The following COG1 variants were observed in gnomAD, a reference collection of about 807,000 sequenced individuals.
COG1 encodes conserved oligomeric Golgi complex subunit 1.
COG1 carries 61 observed loss-of-function variants against 102.2 expected under a neutral mutation model. The ratio of observed to expected loss-of-function variants is 0.60; its 90% confidence interval spans 0.49 to 0.74. COG1 has a LOEUF of 0.74. Ranked by LOEUF, COG1 falls within the 30% of genes least tolerant of loss-of-function variation. COG1 has a pLI of 0.00. For synonymous variants in COG1, 454 were observed against 493.6 expected, an observed-to-expected ratio of 0.92 and a Z score of 1.06; for missense variants, 1,164 against 1,232.1, an observed-to-expected ratio of 0.94 and a Z score of 0.83.
rs2061353783 is a variant in COG1 at position 73,203,110 on chromosome 17, C to A, written c.2184C>A (p.Gly728=). The change falls in exon 8 of 14, where the codon GGC becomes GGA. Residue 728 remains glycine (G), a synonymous_variant. Coordinates refer to ENST00000299886, the MANE Select transcript of COG1 (RefSeq NM_018714.3). ...ELEIQEEAES[G]SSVTSKIRLP... is the part of the protein sequence containing the mutation. ...AAATTCAGGAGGAGGCAGAGTCTGG[C>A]AGCAGTGTCACATCCAAGATCCGAC... 8.7e-6 allele frequency: 14 copies of A among 1,614,194 alleles called. No homozygotes were observed. The highest frequency in any genetic ancestry group is 1.2e-5 in the Non-Finnish European group (14 of 1,180,038).
intron 10 of COG1, chr17:73,205,930 G>A: frequency 1.5e-6 from 1 of 670,350 alleles, no homozygotes; most frequent in Non-Finnish European, 2.6e-6. Context: ...AGTATCATTT[G>A]AGCCCTTAGT....
chr17:73,195,298 G>A lies in COG1; in HGVS notation c.316-1209G>A, dbSNP rs150313938. 2.7e-3 allele frequency among the ~76,000 whole-genome samples: 410 copies of A among 152,250 alleles called. 3 individuals are homozygous for A. Among genetic ancestry groups the A allele is most frequent in the African/African-American group, 9.5e-3 (394 of 41,544 alleles). ...ACCTGGTCGAGGAAATAAATCCATGGAAACTTGACGAGAAAAAAATGTAAA... is the reference window on the plus strand; with the variant it reads ...ACCTGGTCGAGGAAATAAATCCATGAAAACTTGACGAGAAAAAAATGTAAA... On this transcript the variant is annotated intron_variant, in intron 1 of 13. Coordinates refer to ENST00000299886, the MANE Select transcript of COG1 (RefSeq NM_018714.3).
intron 4 of COG1, among the ~76,000 whole-genome samples, chr17:73,197,735 G>A (rs550200742): frequency 6.6e-6 from 1 of 152,348 alleles, no homozygotes; most frequent in Admixed American, 6.5e-5. Context: ...GAGTCACTTA[G>A]ATGAAGAAGG....
chr17:73,197,409 C>G lies in COG1; in HGVS notation c.913+13C>G. The G allele has an allele frequency of 6.2e-7, 1 of 1,613,562 alleles. No individual in the cohort carries two copies. Among genetic ancestry groups the G allele is most frequent in the Non-Finnish European group, 8.5e-7 (1 of 1,179,980 alleles). On this transcript the variant is annotated intron_variant, in intron 4 of 13. Transcript: ENST00000299886. The stretch of plus-strand genomic sequence containing the variant: ...CAGCATCCTGCCGGTGAGCTCTTAG[C>G]CAAGCTTTTTAAATTCTGGTTCACT...
At position 73,206,157 on chromosome 17, in the gene COG1, T is replaced by C. The variant is rs917892922; in HGVS notation, c.2514T>C (p.Ile838=). Residue 838 remains isoleucine, a synonymous_variant, in exon 11 of 14, where the codon ATT becomes ATC. Coordinates refer to ENST00000299886, the MANE Select transcript of COG1 (RefSeq NM_018714.3). ...ATGATCCTAATCCTTTTCTCAGAAT[T>C]GAGAAAGTGACTGACCACCTGGAAG... ...KSGRSKPDSR[I]EKVTDHLEAL... 1.2e-5 allele frequency: 19 copies of C among 1,612,350 alleles called. No individual in the cohort carries two copies. The highest frequency in any genetic ancestry group is 1.6e-5 in the Non-Finnish European group (19 of 1,178,466).
intron 13 of COG1, chr17:73,208,085 T>C: frequency 2.1e-6 from 3 of 1,425,816 alleles, no homozygotes; most frequent in South Asian, 2.9e-5. Context: ...TGTCTACCCT[T>C]TTCCCAAGAC....
At chr17:73,204,424 G>C (rs1311243793) in intron 9 of COG1, among the ~76,000 whole-genome samples, 3 of 152,178 alleles carry the variant, frequency 2.0e-5, no homozygotes, top group African/African-American at 7.2e-5. Flanking sequence ...AGAGAGAACA[G>C]TTGCCTGCCA....
At chr17:73,200,933 T>C (rs951472174) in intron 6 of COG1, among the ~76,000 whole-genome samples, 157 bp downstream of exon 6, 2 of 152,148 alleles carry the variant, frequency 1.3e-5, no homozygotes, top group Non-Finnish European at 2.9e-5. Flanking sequence ...CCTCTGTCAC[T>C]TGATCGGGAA....
Position 73,196,913 on chromosome 17 carries a change from C to T in COG1, c.574C>T (p.His192Tyr), listed in dbSNP as rs753679095. 1.2e-6 allele frequency: 2 copies of T among 1,614,224 alleles called. No homozygotes were observed. The highest frequency in any genetic ancestry group is 8.5e-7 in the Non-Finnish European group (1 of 1,180,038). The change falls in exon 3 of 14, where the codon CAT (histidine) becomes TAT (tyrosine). Residue 192 changes from histidine (H) to tyrosine (Y), a missense_variant. Physicochemically the swap from His to Tyr is moderately conservative, Grantham distance 83 (BLOSUM62 2). Transcript: ENST00000299886. The part of the protein sequence containing the change: ...AASHFRSTIL[H>Y]ESKMLLKCQG... ...TCATTTTTCTAGGTCAACTATTCTG[C>T]ATGAAAGCAAGATGTTGCTCAAATG... is the stretch of plus-strand genomic sequence containing the variant.
intron 5 of COG1, 29 bp from the exon 6 acceptor site, chr17:73,200,537 G>A: frequency 6.3e-7 from 1 of 1,587,888 alleles, no homozygotes; most frequent in Non-Finnish European, 8.6e-7. Flanking sequence ...TGCCTCTGAT[G>A]GAGCCCAAAG....
chr17:73,203,570 C>A, intron 8 of COG1, 62 bp from the exon 9 acceptor site: 1 of 1,596,474 alleles, frequency 6.3e-7, no homozygotes, highest in Non-Finnish European at 8.6e-7. Context: ...AGTGGATTCA[C>A]TTTCACTGTG....
At position 73,196,656 on chromosome 17, in the gene COG1, C is replaced by A. The variant is rs747253929; in HGVS notation, c.465C>A (p.Ser155Arg). 1 of 1,614,224 alleles carries A rather than the reference C, an allele frequency of 6.2e-7. No individual in the cohort carries two copies. Among genetic ancestry groups the A allele is most frequent in the Admixed American group, 1.7e-5 (1 of 60,016 alleles). ...ACCTGCTCTGCTGCCACCTCCACAG[C>A]CTGCTCCAGCTGGATTCTTCTAGTT... ...QLYLLCCHLH[S>R]LLQLDSSSSR... is the part of the protein sequence containing the mutation. The change falls in exon 2 of 14, where the codon AGC becomes AGA. Residue 155 changes from serine (S) to arginine (R), a missense_variant. Ser to Arg is a moderately radical substitution (Grantham distance 110). Transcript: ENST00000299886.
At chr17:73,199,457 C>T (rs1277462165) in intron 4 of COG1, among the ~76,000 whole-genome samples, 1 of 152,212 alleles carries the variant, frequency 6.6e-6, no homozygotes, top group Non-Finnish European at 1.5e-5. Flanking sequence ...CTGCCACACT[C>T]CCTGATGGGA....
chr17:73,201,676 C>G lies in COG1; in HGVS notation c.1849C>G (p.Leu617Val), dbSNP rs748220903. 2.5e-6 allele frequency: 4 copies of G among 1,614,220 alleles called. No homozygotes were observed. Among genetic ancestry groups the G allele is most frequent in the Non-Finnish European group, 2.5e-6 (3 of 1,180,040 alleles). ...GCACTCAGTTCTTTTCATGGCCAGACTCTGCCAGTCCCTGGGAGAGCTGTG... is the reference window on the plus strand; with the variant it reads ...GCACTCAGTTCTTTTCATGGCCAGAGTCTGCCAGTCCCTGGGAGAGCTGTG... ...KLHSVLFMAR[L>V]CQSLGELCPH... is the part of the protein sequence containing the mutation. The change falls in exon 7 of 14, where the codon CTC becomes GTC. Residue 617 changes from leucine to valine, a missense_variant. Transcript: ENST00000299886.
intron 8 of COG1, 166 bp downstream of exon 8, chr17:73,203,312 C>T: frequency 1.1e-6 from 1 of 894,722 alleles, no homozygotes; most frequent in Non-Finnish European, 1.7e-6. Flanking sequence ...AAATGGCAGA[C>T]TGTTCAAGAA....
Position 73,205,595 on chromosome 17 carries a change from C to G in COG1, c.2425C>G (p.Leu809Val). ...FPVTQNRALQ[L>V]LYDLRYLNIV... ...AGTCACCCAGAACCGGGCGCTGCAG[C>G]TGCTTTATGATCTGCGTTACCTCAA... The change falls in exon 10 of 14, where the codon CTG becomes GTG. Residue 809 changes from leucine to valine, a missense_variant. Coordinates refer to ENST00000299886, the MANE Select transcript of COG1 (RefSeq NM_018714.3). The G allele has an allele frequency of 6.2e-7, 1 of 1,614,176 alleles. No homozygotes were observed. Among genetic ancestry groups the G allele is most frequent in the Non-Finnish European group, 8.5e-7 (1 of 1,180,026 alleles).
At chr17:73,207,398 G>A in intron 13 of COG1, 142 bp downstream of exon 13, 1 of 839,332 alleles carries the variant, frequency 1.2e-6, no homozygotes, top group Non-Finnish European at 2.0e-6. Flanking sequence ...CGGCGCAATA[G>A]AGAAGTACAA....
chr17:73,203,042 G>C lies in COG1; in HGVS notation c.2116G>C (p.Ala706Pro). The C allele has an allele frequency of 1.2e-6, 2 of 1,614,142 alleles. No homozygotes were observed. The highest frequency in any genetic ancestry group is 1.7e-6 in the Non-Finnish European group (2 of 1,180,008). ...GFTQSLLLDD[A>P]GSVLATATSW... ...CACCCAGTCATTACTTCTAGATGAT[G>C]CTGGCTCAGTTCTGGCCACAGCCAC... The change falls in exon 8 of 14, where the codon GCT (alanine) becomes CCT (proline). Residue 706 changes from alanine to proline, a missense_variant. By Grantham distance (27) the Ala-to-Pro change is conservative. Transcript: ENST00000299886.
Position 73,206,095 on chromosome 17 carries a change from A to T in COG1, c.2511-59A>T, listed in dbSNP as rs1415784924. ...AAGATTTCTACAGCAGTAGGATATC[A>T]TAAGATTGTTTTTGATCCTAAAAAA... On this transcript the variant is annotated intron_variant, in intron 10 of 13. Transcript: ENST00000299886. 3.0e-5 allele frequency: 40 copies of T among 1,335,110 alleles called. No homozygotes were observed. The South Asian group carries it at 4.7e-4, about 16-fold the overall frequency. 82.7% of individuals were successfully genotyped at this position (1,335,110 alleles called of 1,614,324 possible). A position where few individuals can be genotyped will look rare whatever the true frequency, so the allele number is the denominator to read the frequency against.
Sources: allele counts gnomAD v4.1 joint callset (sites outside exome capture counted in the v4.1 genomes callset), GRCh38; gene constraint gnomAD v4.1.1; transcripts MANE v1.5; gene names NCBI Gene and HGNC (gene_info 2026-07-23, HGNC 2026-07-21).